Variants in UBE2D2 observed in about 807,000 individuals in gnomAD.
UBE2D2 encodes the protein ubiquitin-conjugating enzyme E2 D2.
Under a neutral mutation model 24.2 loss-of-function variants are expected in UBE2D2, and 2 were observed. That is an observed-to-expected ratio of 0.08 (90% CI 0.03 to 0.26). UBE2D2 has a LOEUF of 0.26. Ranked by LOEUF, UBE2D2 falls within the 10% of genes least tolerant of loss-of-function variation. UBE2D2 has a pLI of 1.00. For missense variants in UBE2D2, 44 were observed against 177.6 expected (o/e 0.25, Z 4.28); for synonymous variants, 58 against 56.5 (o/e 1.03, Z -0.12).
At chr5:139,617,183 C>CAA (rs57391737) in intron 5 of UBE2D2, among the ~76,000 whole-genome samples, 1 of 105,422 alleles carries the variant, frequency 9.5e-6, no homozygotes, top group Non-Finnish European at 2.0e-5. Context: ...ACTTTGTCTC[C>CAA]AAAAAAAAAA....
At chr5:139,598,946 G>GA (rs1754014046) in intron 1 of UBE2D2, among the ~76,000 whole-genome samples, 1 of 15,116 alleles carries the variant, frequency 6.6e-5, no homozygotes, top group Non-Finnish European at 1.5e-4. Flanking sequence ...TTTTTTTTTT[G>GA]AGACAAAGTC....
At chr5:139,617,822 G>A (rs1426865208) in intron 5 of UBE2D2, among the ~76,000 whole-genome samples, 2 of 151,898 alleles carry the variant, frequency 1.3e-5, no homozygotes, top group Non-Finnish European at 2.9e-5. Context: ...TTGTTGTTAC[G>A]AAGATTAAAG....
Position 139,561,738 on chromosome 5 carries a change from TCCCTTCCCCGCC to T in UBE2D2, c.-50_-39del, listed in dbSNP as rs1436959791. The T allele has an allele frequency of 6.9e-6, 9 of 1,302,706 alleles. No homozygotes were observed. The highest frequency in any genetic ancestry group is 3.0e-5 in the East Asian group (1 of 33,470). 80.7% of individuals were successfully genotyped at this position (1,302,706 alleles called of 1,614,324 possible). ...CTCAGGCTCCCTAGCCCCTTCCCCG[TCCCTTCCCCGCC>T]CCCGTCCCCGCCCCGGGGGCCGCCG... On this transcript the variant is annotated 5_prime_UTR_variant, in exon 1 of 7. Coordinates refer to ENST00000398733, the MANE Select transcript of UBE2D2 (RefSeq NM_003339.3).
At chr5:139,618,163 G>A (rs1341024257) in intron 5 of UBE2D2, among the ~76,000 whole-genome samples, 2 of 151,856 alleles carry the variant, frequency 1.3e-5, no homozygotes, top group African/African-American at 4.8e-5. Flanking sequence ...TAGTAGAGAC[G>A]GAGTTTCTCC....
At chr5:139,568,749 G>T in intron 1 of UBE2D2, among the ~76,000 whole-genome samples, 1 of 152,174 alleles carries the variant, frequency 6.6e-6, no homozygotes, top group African/African-American at 2.4e-5. Flanking sequence ...GAGGTGAGTG[G>T]ATCACGAGGT....
intron 1 of UBE2D2, among the ~76,000 whole-genome samples, chr5:139,576,736 A>G (rs1054351269): frequency 2.6e-5 from 4 of 152,064 alleles, no homozygotes; most frequent in African/African-American, 9.7e-5. Context: ...TTCATTGTCA[A>G]CAAAGGTGCT....
chr5:139,548,624 ATCG>A (rs1752868245), intron 1 of UBE2D2, among the ~76,000 whole-genome samples: 1 of 152,162 alleles, frequency 6.6e-6, no homozygotes, highest in Non-Finnish European at 1.5e-5. Flanking sequence ...CATCATCATT[ATCG>A]TCATTATCAA....
At chr5:139,558,984 G>T (rs1050461274), upstream of UBE2D2, among the ~76,000 whole-genome samples, 2 of 152,058 alleles carry the variant, frequency 1.3e-5, no homozygotes, top group South Asian at 4.2e-4. Context: ...ACAATCTTCT[G>T]TAGAGATGAA....
chr5:139,615,159 C>T (rs987169823), intron 5 of UBE2D2, among the ~76,000 whole-genome samples, 193 bp downstream of exon 5: 2 of 152,134 alleles, frequency 1.3e-5, no homozygotes, highest in Non-Finnish European at 2.9e-5. Context: ...AGTGACTAGT[C>T]TGTCAGTTGT....
intron 1 of UBE2D2, among the ~76,000 whole-genome samples, chr5:139,544,629 A>C (rs1752801372): frequency 6.6e-6 from 1 of 151,516 alleles, no homozygotes. Flanking sequence ...ACACACACAC[A>C]CACCCCAAAA....
intron 1 of UBE2D2, 131 bp from the exon 2 acceptor site, chr5:139,600,241 T>G: frequency 1.0e-6 from 1 of 979,316 alleles, no homozygotes; most frequent in Non-Finnish European, 1.6e-6. Context: ...TACTCATCTC[T>G]TACTCTGAAG....
chr5:139,529,670 T>C (rs892511164), intron 1 of UBE2D2, among the ~76,000 whole-genome samples: 6 of 152,112 alleles, frequency 3.9e-5, no homozygotes, highest in African/African-American at 1.2e-4. Context: ...TAGGCATTGA[T>C]GGAAAAGGGC....
chr5:139,570,405 A>T (rs1163581038), intron 1 of UBE2D2, among the ~76,000 whole-genome samples: 2 of 152,138 alleles, frequency 1.3e-5, no homozygotes, highest in Non-Finnish European at 2.9e-5. Flanking sequence ...CAGTTGTGCA[A>T]TCTCGGCTCA....
chr5:139,534,089 AT>A (rs537790305), intron 1 of UBE2D2, among the ~76,000 whole-genome samples: 5,731 of 146,020 alleles, frequency 0.039, 131 homozygotes, highest in Non-Finnish European at 0.06. Flanking sequence ...CAAAAAAAAC[AT>A]TTTTTTTTTT....
intron 6 of UBE2D2, among the ~76,000 whole-genome samples, chr5:139,625,758 C>T (rs1019996140): frequency 2.0e-5 from 3 of 151,928 alleles, no homozygotes; most frequent in Admixed American, 1.3e-4. Flanking sequence ...GCGCACATCA[C>T]CATGCCTGGC....
intron 1 of UBE2D2, among the ~76,000 whole-genome samples, chr5:139,550,739 C>T (rs954755987): frequency 1.3e-5 from 2 of 151,160 alleles, no homozygotes; most frequent in Admixed American, 6.6e-5. Context: ...AGACGCGCTG[C>T]CTTAAGAGGT....
rs1479545083 is a variant in UBE2D2 at position 139,619,433 on chromosome 5, A to G, written c.305-3935A>G. 2.0e-5 allele frequency among the ~76,000 whole-genome samples: 3 copies of G among 151,922 alleles called. No individual in the cohort carries two copies. In the East Asian group the frequency reaches 5.8e-4, roughly 29 times the overall value. On this transcript the variant is annotated intron_variant, in intron 5 of 6. Transcript: ENST00000398733. ...AAAGTAATACTGATGAAGAATATAT[A>G]TAGGTAAAAGTTCAGTGAAGAGACT...
At chr5:139,547,143 TAGAC>T (rs963442629) in intron 1 of UBE2D2, among the ~76,000 whole-genome samples, 6 of 151,718 alleles carry the variant, frequency 4.0e-5, no homozygotes, top group Admixed American at 6.6e-5. Context: ...ACAAAAAAAT[TAGAC>T]AGGCGTAGTG....
At chr5:139,532,330 A>G (rs1752607744) in intron 1 of UBE2D2, among the ~76,000 whole-genome samples, 1 of 149,640 alleles carries the variant, frequency 6.7e-6, no homozygotes, top group Non-Finnish European at 1.5e-5. Context: ...AGGCGCCTGC[A>G]ACAACTCCCG....
Sources: gnomAD v4.1 joint callset for allele counts (sites outside exome capture counted in the v4.1 genomes callset) on GRCh38, gnomAD v4.1.1 for gene constraint, MANE v1.5 for transcripts, NCBI Gene and HGNC (gene_info 2026-07-23, HGNC 2026-07-21) for gene names.